Variants in KCNJ13 observed in about 807,000 individuals in gnomAD.
The protein encoded by KCNJ13 is inward rectifier potassium channel 13.
KCNJ13 carries 9 observed loss-of-function variants against 24.6 expected under a neutral mutation model. That is an observed-to-expected ratio of 0.37 (90% CI 0.22 to 0.64). The LOEUF (loss-of-function observed/expected upper bound fraction) is 0.64, where lower values mean the gene tolerates loss of function less well. KCNJ13 is among the 30% of genes least tolerant of loss of function. The probability of loss-of-function intolerance (pLI) is 0.64; values close to 1 mark genes in which losing one functional copy is unlikely to be tolerated. For missense variants in KCNJ13, 337 were observed against 443.8 expected (o/e 0.76, Z 2.16); for synonymous variants, 148 against 154.7 (o/e 0.96, Z 0.32).
intron 1 of KCNJ13, among the ~76,000 whole-genome samples, chr2:232,773,668 T>G (rs1356593457): frequency 5.9e-5 from 9 of 152,246 alleles, no homozygotes; most frequent in African/African-American, 1.7e-4. Context: ...TAGTAATGAT[T>G]AATAATATTA....
At chr2:232,770,110 G>C (rs1006625027) in intron 2 of KCNJ13, among the ~76,000 whole-genome samples, 1 of 152,154 alleles carries the variant, frequency 6.6e-6, no homozygotes, top group Admixed American at 6.5e-5. Context: ...AGGAACTCTT[G>C]TTGTAGAAGT....
chr2:232,770,553 T>A (rs1309299637), intron 2 of KCNJ13, among the ~76,000 whole-genome samples: 1 of 152,124 alleles, frequency 6.6e-6, no homozygotes, highest in Non-Finnish European at 1.5e-5. Context: ...TATTTATTTA[T>A]GTATTTGACA....
At chr2:232,770,737 G>C (rs1699207531) in intron 2 of KCNJ13, among the ~76,000 whole-genome samples, 166 bp downstream of exon 2, 1 of 142,804 alleles carries the variant, frequency 7.0e-6, no homozygotes, top group Admixed American at 7.0e-5. Context: ...TATTTTTTTT[G>C]GCTCTAAACT....
chr2:232,771,899 T>C (rs1440396531), intron 1 of KCNJ13, among the ~76,000 whole-genome samples: 1 of 152,186 alleles, frequency 6.6e-6, no homozygotes, highest in Non-Finnish European at 1.5e-5. Flanking sequence ...AGATTTAGTA[T>C]AGGACAAGGC....
chr2:232,774,256 A>G lies in KCNJ13; in HGVS notation c.-17+2189T>C, dbSNP rs924919592. 3.3e-5 allele frequency among the ~76,000 whole-genome samples: 5 copies of G among 152,290 alleles called. No homozygotes were observed. In the Middle Eastern group the frequency reaches 0.01, roughly 311 times the overall value. ...TTGACCCTGCTTAGCCTTTGTGAAT[A>G]ATACAGTTTCATTTGATTAGTTTTG... is the stretch of plus-strand genomic sequence containing the variant. On this transcript the variant is annotated intron_variant, in intron 1 of 2. Coordinates refer to ENST00000233826, the MANE Select transcript of KCNJ13 (RefSeq NM_002242.4).
At chr2:232,772,400 G>A (rs373259065) in intron 1 of KCNJ13, among the ~76,000 whole-genome samples, 11 of 152,162 alleles carry the variant, frequency 7.2e-5, no homozygotes, top group African/African-American at 2.2e-4. Context: ...TTTCTGGATA[G>A]CATTAGCTTT....
chr2:232,774,596 G>A (rs1470893801), intron 1 of KCNJ13, among the ~76,000 whole-genome samples: 1 of 152,126 alleles, frequency 6.6e-6, no homozygotes, highest in Non-Finnish European at 1.5e-5. Flanking sequence ...CATGGAAGAA[G>A]GATATAACAA....
intron 1 of KCNJ13, among the ~76,000 whole-genome samples, chr2:232,773,135 CTT>C (rs1230690219): frequency 6.6e-6 from 1 of 152,038 alleles, no homozygotes; most frequent in Non-Finnish European, 1.5e-5. Context: ...TGTTTTATAA[CTT>C]ATTACCCTAA....
chr2:232,771,459 G>C, intron 1 of KCNJ13, 81 bp from the exon 2 acceptor site: 1 of 883,926 alleles, frequency 1.1e-6, no homozygotes, highest in Non-Finnish European at 1.7e-6. Flanking sequence ...TGGACTTTCT[G>C]CTTTCTTGGG....
Position 232,771,134 on chromosome 2 carries a change from C to T in KCNJ13, c.229G>A (p.Val77Ile). Residue 77 changes from valine (V) to isoleucine (I), a missense_variant, in exon 2 of 3, where the codon GTT (valine) becomes ATT (isoleucine). Val to Ile is a conservative substitution (Grantham distance 29). Transcript: ENST00000233826. ...HWLVFAVLWY[V>I]LAEMNGDLEL... ...AGATCACCATTCATCTCAGCCAGAA[C>T]ATACCAGAGCACTGCAAAGACAAGC... is the stretch of plus-strand genomic sequence containing the variant. 3 of 1,614,122 alleles carry T rather than the reference C, an allele frequency of 1.9e-6. No individual in the cohort carries two copies. The highest frequency in any genetic ancestry group is 1.7e-6 in the Non-Finnish European group (2 of 1,180,012).
intron 1 of KCNJ13, among the ~76,000 whole-genome samples, chr2:232,773,483 A>G (rs1371417968): frequency 6.6e-6 from 1 of 151,882 alleles, no homozygotes; most frequent in Non-Finnish European, 1.5e-5. Flanking sequence ...TTTTTTTTTA[A>G]TACAGGAAGC....
intron 2 of KCNJ13, among the ~76,000 whole-genome samples, chr2:232,769,287 T>C (rs1283440890): frequency 6.6e-6 from 1 of 152,036 alleles, no homozygotes; most frequent in Non-Finnish European, 1.5e-5. Context: ...TCCCGGCACT[T>C]TGGGAGCCCG....
At chr2:232,770,210 G>A (rs1699176607) in intron 2 of KCNJ13, among the ~76,000 whole-genome samples, 1 of 152,144 alleles carries the variant, frequency 6.6e-6, no homozygotes, top group Admixed American at 6.6e-5. Context: ...TACCTTCTCA[G>A]ATTATTATTG....
chr2:232,770,653 C>G (rs1699203024), intron 2 of KCNJ13, among the ~76,000 whole-genome samples: 1 of 151,480 alleles, frequency 6.6e-6, no homozygotes, highest in Non-Finnish European at 1.5e-5. Flanking sequence ...TAGTATCATA[C>G]TGATCTCTTT....
At chr2:232,773,372 C>T (rs190888572) in intron 1 of KCNJ13, among the ~76,000 whole-genome samples, 23 of 152,254 alleles carry the variant, frequency 1.5e-4, no homozygotes, top group Non-Finnish European at 2.5e-4. Context: ...GATGAAGTCA[C>T]TGGTGCTCAG....
In KCNJ13 at chr2:232,766,473, A is replaced by C. The variant is rs1698968203; in HGVS notation, c.*1718T>G. On this transcript the variant is annotated 3_prime_UTR_variant, in exon 3 of 3. Transcript: ENST00000233826. ...GAAAAAACATACCATGTAAGTCTTC[A>C]ATACTACTTTATTTTCAAAGGTTAG... 1 of 152,764 alleles carries C rather than the reference A, an allele frequency of 6.5e-6. No individual in the cohort carries two copies. The highest frequency in any genetic ancestry group is 6.5e-5 in the Admixed American group (1 of 15,338). 9.5% of individuals were successfully genotyped at this position (152,764 alleles called of 1,614,324 possible). A position where few individuals can be genotyped will look rare whatever the true frequency, so the allele number is the denominator to read the frequency against.
At chr2:232,770,053 T>A (rs1699168592) in intron 2 of KCNJ13, among the ~76,000 whole-genome samples, 2 of 152,192 alleles carry the variant, frequency 1.3e-5, no homozygotes, top group African/African-American at 4.8e-5. Context: ...TTTTCCCATA[T>A]AAGTTTATAG....
intron 2 of KCNJ13, among the ~76,000 whole-genome samples, chr2:232,770,416 T>G (rs573319810): frequency 5.3e-5 from 8 of 152,324 alleles, no homozygotes; most frequent in South Asian, 2.1e-4. Flanking sequence ...GACTGTGGTG[T>G]TCTGGGCTCA....
chr2:232,771,966 G>T (rs1344923382), intron 1 of KCNJ13, among the ~76,000 whole-genome samples: 1 of 152,140 alleles, frequency 6.6e-6, no homozygotes, highest in Non-Finnish European at 1.5e-5. Context: ...TTTATAATTA[G>T]CCTATTCAGA....
Sources: gnomAD v4.1 joint callset for allele counts (sites outside exome capture counted in the v4.1 genomes callset) on GRCh38, gnomAD v4.1.1 for gene constraint, MANE v1.5 for transcripts, NCBI Gene and HGNC (gene_info 2026-07-23, HGNC 2026-07-21) for gene names.